The following SPHKAP variants were observed in gnomAD, a reference collection of about 807,000 sequenced individuals.
SPHKAP encodes the protein SPHK1 interactor, AKAP domain containing.
SPHKAP carries 67 observed loss-of-function variants against 137.5 expected under a neutral mutation model. The ratio of observed to expected loss-of-function variants is 0.49; its 90% CI spans 0.40 to 0.60. The LOEUF (loss-of-function observed/expected upper bound fraction) is 0.60, where lower values mean the gene tolerates loss of function less well. SPHKAP is among the 20% of genes least tolerant of loss of function. The pLI is 0.00. For missense variants in SPHKAP, 2,097 were observed against 2,069.3 expected (o/e 1.01, Z -0.26); for synonymous variants, 813 against 785.3 (o/e 1.04, Z -0.59).
intron 3 of SPHKAP, among the ~76,000 whole-genome samples, chr2:228,080,844 A>G (rs1697344592): frequency 6.6e-6 from 1 of 152,198 alleles, no homozygotes; most frequent in Admixed American, 6.5e-5. Flanking sequence ...TCAAAAAGAC[A>G]AAAGATAGCA....
At position 227,981,503 on chromosome 2, in the gene SPHKAP, G is replaced by A. The variant is rs376700966; in HGVS notation, c.*214C>T. On this transcript the variant is annotated 3_prime_UTR_variant, in exon 12 of 12. Coordinates refer to ENST00000392056, the MANE Select transcript of SPHKAP (RefSeq NM_001142644.2). ...CCAGCCCTTCTAATCCAAGCTCTTT[G>A]GAACTCACCCACAAGTTGTATGAAT... 1.4e-5 allele frequency: 6 copies of A among 426,564 alleles called. No individual in the cohort carries two copies. The highest frequency in any genetic ancestry group is 6.2e-5 in the African/African-American group (3 of 48,502). 26.4% of individuals were successfully genotyped at this position (426,564 alleles called of 1,614,324 possible).
chr2:227,985,086 A>G (rs1693165792), intron 11 of SPHKAP, among the ~76,000 whole-genome samples: 1 of 152,046 alleles, frequency 6.6e-6, no homozygotes, highest in Non-Finnish European at 1.5e-5. Context: ...GCTTCTTTCC[A>G]TCTATTTGGG....
chr2:227,991,573 A>AGC (rs1452693172), intron 9 of SPHKAP: 1 of 985,290 alleles, frequency 1.0e-6, no homozygotes, highest in Non-Finnish European at 1.2e-6. Context: ...TTTAGTTAGG[A>AGC]TAGCTGGTGT....
intron 3 of SPHKAP, among the ~76,000 whole-genome samples, chr2:228,076,748 G>T (rs1222808368): frequency 6.6e-6 from 1 of 152,198 alleles, no homozygotes; most frequent in Non-Finnish European, 1.5e-5. Flanking sequence ...GCCTGACAAT[G>T]CAATAGAAAA....
rs542323401 is a variant in SPHKAP, at chr2:228,031,221, C to T, written c.247-3678G>A. On this transcript the variant is annotated intron_variant, in intron 3 of 11. Transcript: ENST00000392056. ...AAAACAGCACACCAGGAGATTATATCCCGCACCTGGCTCAGAGGGTCCTAC... is the reference window on the plus strand; with the variant it reads ...AAAACAGCACACCAGGAGATTATATTCCGCACCTGGCTCAGAGGGTCCTAC... 2.8e-4 allele frequency among the ~76,000 whole-genome samples: 43 copies of T among 152,338 alleles called. 1 individual carries two copies. In the South Asian group the frequency reaches 8.5e-3, roughly 30 times the overall value.
chr2:228,110,345 C>T (rs929511769), intron 2 of SPHKAP, among the ~76,000 whole-genome samples: 16 of 151,446 alleles, frequency 1.1e-4, no homozygotes, highest in Non-Finnish European at 1.5e-4. Context: ...AAAATATAAT[C>T]GCATATCAAA....
At chr2:228,159,535 TC>T (rs1700212603) in intron 1 of SPHKAP, among the ~76,000 whole-genome samples, 1 of 152,170 alleles carries the variant, frequency 6.6e-6, no homozygotes, top group African/African-American at 2.4e-5. Flanking sequence ...AGGAGGTGGC[TC>T]CCGGGTCTTT....
chr2:228,127,212 C>T (rs772751360), intron 2 of SPHKAP, among the ~76,000 whole-genome samples: 19 of 152,190 alleles, frequency 1.2e-4, no homozygotes, highest in Non-Finnish European at 2.5e-4. Flanking sequence ...TTATACAGAA[C>T]ATACATTGCA....
intron 3 of SPHKAP, among the ~76,000 whole-genome samples, chr2:228,077,325 G>T (rs946921447): frequency 1.3e-5 from 2 of 152,198 alleles, no homozygotes; most frequent in African/African-American, 2.4e-5. Flanking sequence ...TCCACGGACA[G>T]CTTGCACTGT....
intron 3 of SPHKAP, among the ~76,000 whole-genome samples, chr2:228,096,906 C>T (rs1450733706): frequency 2.0e-5 from 3 of 152,078 alleles, no homozygotes; most frequent in Non-Finnish European, 4.4e-5. Context: ...AAAAAACATA[C>T]ATCCTGGGGG....
chr2:228,025,597 A>C (rs1488365953), intron 4 of SPHKAP, 69 bp from the exon 5 acceptor site: 1 of 1,567,292 alleles, frequency 6.4e-7, no homozygotes, highest in Non-Finnish European at 8.7e-7. Flanking sequence ...AAACTACTTT[A>C]CCTTCAGAAA....
chr2:228,083,449 T>C (rs575934578), intron 3 of SPHKAP, among the ~76,000 whole-genome samples: 1 of 152,328 alleles, frequency 6.6e-6, no homozygotes, highest in African/African-American at 2.4e-5. Flanking sequence ...GTTGATAAGC[T>C]TTTTTTCTAT....
intron 1 of SPHKAP, among the ~76,000 whole-genome samples, chr2:228,135,598 A>G (rs1156465586): frequency 6.6e-6 from 1 of 152,216 alleles, no homozygotes; most frequent in Non-Finnish European, 1.5e-5. Context: ...AGGTGACTGT[A>G]CAATCCTAGT....
chr2:228,100,972 A>T (rs574267996), intron 3 of SPHKAP, among the ~76,000 whole-genome samples: 107 of 152,194 alleles, frequency 7.0e-4, no homozygotes, highest in African/African-American at 2.5e-3. Flanking sequence ...CACTTTTTAT[A>T]AGAGTGGCCC....
intron 1 of SPHKAP, chr2:228,173,053 C>T (rs574844031): frequency 4.1e-6 from 4 of 985,262 alleles, no homozygotes; most frequent in Non-Finnish European, 3.6e-6. Flanking sequence ...GGTAGGGTTT[C>T]CAGGTCCATC....
intron 3 of SPHKAP, among the ~76,000 whole-genome samples, chr2:228,091,317 G>T (rs147499615): frequency 1.7e-3 from 263 of 152,250 alleles, no homozygotes; most frequent in African/African-American, 6.0e-3. Flanking sequence ...GAAAATTCTA[G>T]AAGATAACAT....
intron 3 of SPHKAP, among the ~76,000 whole-genome samples, chr2:228,091,230 A>G (rs1697719506): frequency 1.3e-5 from 2 of 152,182 alleles, no homozygotes; most frequent in South Asian, 4.1e-4. Context: ...CTAATATCAA[A>G]CAAAATAAAC....
chr2:228,065,968 G>A (rs1329205674), intron 3 of SPHKAP, among the ~76,000 whole-genome samples: 2 of 152,152 alleles, frequency 1.3e-5, no homozygotes, highest in Admixed American at 6.5e-5. Context: ...GTGCAAAAAC[G>A]TGTCAGAACA....
chr2:228,032,873 G>C (rs1484260203), intron 3 of SPHKAP, among the ~76,000 whole-genome samples: 2 of 152,116 alleles, frequency 1.3e-5, no homozygotes, highest in East Asian at 3.9e-4. Context: ...AGCTCCTGAA[G>C]GAAGCACTAA....
Sources: gnomAD v4.1 joint callset for allele counts (sites outside exome capture counted in the v4.1 genomes callset) on GRCh38, gnomAD v4.1.1 for gene constraint, MANE v1.5 for transcripts, NCBI Gene and HGNC (gene_info 2026-07-23, HGNC 2026-07-21) for gene names.